The following HECA variants were observed in gnomAD, a reference collection of about 807,000 sequenced individuals.
HECA encodes headcase protein homolog.
A neutral mutation model predicts 37.6 loss-of-function variants in HECA; 13 were observed. The ratio of observed to expected loss-of-function variants is 0.35; its 90% confidence interval spans 0.23 to 0.55. The LOEUF (loss-of-function observed/expected upper bound fraction) is 0.55, where lower values mean the gene tolerates loss of function less well. Among genes scored for constraint, HECA ranks in the 20% least tolerant of loss-of-function variants. The pLI, the probability that HECA is intolerant of heterozygous loss-of-function variation, is 0.90. For synonymous variants in HECA, 307 were observed against 291.5 expected (o/e 1.05, Z -0.54); for missense variants, 527 against 701.9 (o/e 0.75, Z 2.82).
Position 139,180,499 on chromosome 6 carries a change from T to C in HECA, c.*3394T>C, listed in dbSNP as rs1268018783. ...GAGAAAGTGTTCTTGTTTAGTGTTT[T>C]ATTTCCTATAATAGGATGCTGCCTA... On this transcript the variant is annotated 3_prime_UTR_variant, in exon 4 of 4. Transcript: ENST00000367658. 1 of 152,666 alleles carries C rather than the reference T, an allele frequency of 6.6e-6. No individual in the cohort carries two copies. Among genetic ancestry groups the C allele is most frequent in the East Asian group, 1.9e-4 (1 of 5,200 alleles). 9.5% of individuals were successfully genotyped at this position (152,666 alleles called of 1,614,324 possible). A position where few individuals can be genotyped will look rare whatever the true frequency, so the allele number is the denominator to read the frequency against.
At chr6:139,151,614 T>C (rs2114448492) in intron 1 of HECA, among the ~76,000 whole-genome samples, 1 of 152,342 alleles carries the variant, frequency 6.6e-6, no homozygotes, top group Non-Finnish European at 1.5e-5. Context: ...TTCTTGTCAT[T>C]ATTTTTAAGG....
chr6:139,161,871 C>T (rs1264418736), intron 1 of HECA, among the ~76,000 whole-genome samples: 1 of 152,180 alleles, frequency 6.6e-6, no homozygotes, highest in East Asian at 1.9e-4. Context: ...GACCAATTAA[C>T]ATTTTAAAGG....
chr6:139,153,100 ACATGACC>A (rs1053927163), intron 1 of HECA: 1 of 152,224 alleles, frequency 6.6e-6, no homozygotes, highest in Non-Finnish European at 1.5e-5. Context: ...AGCTCCTTGA[ACATGACC>A]CAAGAACTTG....
intron 2 of HECA, among the ~76,000 whole-genome samples, chr6:139,167,598 A>G (rs1774909819): frequency 1.3e-5 from 2 of 152,138 alleles, no homozygotes; most frequent in Non-Finnish European, 2.9e-5. Flanking sequence ...CATAATGGGG[A>G]AGGAAATTAG....
rs1775112372 is a variant in HECA, at chr6:139,179,998, T to G, written c.*2893T>G. ...AGTGAGAGGACAATTTCTGATTGAT[T>G]GTTTTCTCTTCAGGCCATCTCACCT... On this transcript the variant is annotated 3_prime_UTR_variant, in exon 4 of 4. Coordinates refer to ENST00000367658, the MANE Select transcript of HECA (RefSeq NM_016217.3). 1 of 152,338 alleles carries G rather than the reference T, an allele frequency of 6.6e-6. No individual in the cohort carries two copies. The highest frequency in any genetic ancestry group is 2.1e-4 in the South Asian group (1 of 4,832). 9.4% of individuals were successfully genotyped at this position (152,338 alleles called of 1,614,324 possible).
chr6:139,144,818 G>T (rs1369619194), intron 1 of HECA, among the ~76,000 whole-genome samples: 1 of 152,182 alleles, frequency 6.6e-6, no homozygotes, highest in Non-Finnish European at 1.5e-5. Flanking sequence ...CTGCTTTTCT[G>T]CCCAGGATGA....
chr6:139,136,083 A>G (rs1380896442), intron 1 of HECA, among the ~76,000 whole-genome samples: 1 of 151,906 alleles, frequency 6.6e-6, no homozygotes, highest in Non-Finnish European at 1.5e-5. Context: ...CTCCAAGGCC[A>G]CCCGTAACCC....
At chr6:139,161,032 TGTGTGTGTGTG>T (rs902761512) in intron 1 of HECA, among the ~76,000 whole-genome samples, 1 of 151,838 alleles carries the variant, frequency 6.6e-6, no homozygotes, top group African/African-American at 2.4e-5. Flanking sequence ...GTTTGGACAA[TGTGTGTGTGTG>T]GTGTGTGTGT....
At chr6:139,166,001 G>A (rs1374449316) in intron 1 of HECA, 2 of 314,458 alleles carry the variant, frequency 6.4e-6, no homozygotes, top group African/African-American at 2.1e-5. Context: ...ATCGGTATGA[G>A]ACCGTCTATG....
chr6:139,152,801 A>C (rs997207144), intron 1 of HECA, among the ~76,000 whole-genome samples: 1 of 152,286 alleles, frequency 6.6e-6, no homozygotes, highest in African/African-American at 2.4e-5. Flanking sequence ...AAACCTTTTG[A>C]GTTTTCATTT....
Position 139,176,872 on chromosome 6 carries a change from G to T in HECA, c.1468-69G>T, listed in dbSNP as rs1030409385. 566 of 795,166 alleles carry T rather than the reference G, an allele frequency of 7.1e-4. 3 individuals are homozygous for T. Among genetic ancestry groups the T allele is most frequent in the Admixed American group, 6.8e-4 (36 of 53,004 alleles). 49.3% of individuals were successfully genotyped at this position (795,166 alleles called of 1,614,324 possible). On this transcript the variant is annotated intron_variant, in intron 3 of 3. Coordinates refer to ENST00000367658, the MANE Select transcript of HECA (RefSeq NM_016217.3). The surrounding 1 kb of genome is among the most constrained non-coding windows in gnomAD (Gnocchi z 4.5). ...CCTTGATCAGTTTCCCAGCATTTTG[G>T]TTTGGATGACTTTGACAAGTGTTGG...
In HECA at chr6:139,176,853, T is replaced by TGG. The variant is rs1214212969; in HGVS notation, c.1468-88_1468-87insGG. On this transcript the variant is annotated intron_variant, in intron 3 of 3. Transcript: ENST00000367658. The surrounding 1 kb of genome is among the most constrained non-coding windows in gnomAD (Gnocchi z 4.5). ...AAGGGATGCTTTGCAAAGCCCTTGATCAGTTTCCCAGCATTTTGGTTTGGA... is the reference window on the plus strand; with the variant it reads ...AAGGGATGCTTTGCAAAGCCCTTGATGGCAGTTTCCCAGCATTTTGGTTTGGA... The TGG allele has an allele frequency of 2.8e-5, 21 of 755,208 alleles. No homozygotes were observed. In the Admixed American group the frequency reaches 4.3e-4, roughly 16 times the overall value. The allele number at this position is 755,208 out of a possible 1,614,324, so 46.8% of individuals were successfully genotyped here.
intron 2 of HECA, among the ~76,000 whole-genome samples, chr6:139,168,836 C>T (rs572806409): frequency 2.7e-4 from 41 of 152,322 alleles, no homozygotes; most frequent in African/African-American, 9.9e-4. Flanking sequence ...TGCTATTTAG[C>T]TGGCTGTAGT....
Position 139,135,665 on chromosome 6 carries a change from A to G in HECA, c.269A>G (p.Asn90Ser), listed in dbSNP as rs1774424819. ...GCTGCGGCCGCGGGCGATGCCAAAA[A>G]CGGTAAGACGGGGCTGGCGGGGCGA... ...AGAAAAGDAKNEAPCATPLIC... is the reference protein window; with the variant it reads ...AGAAAAGDAKSEAPCATPLIC... Residue 90 changes from asparagine (N) to serine (S), a missense_variant and splice_region_variant, in exon 1 of 4, where the codon AAC becomes AGC. Around this residue, in one of 4 missense-constraint regions of HECA, gnomAD observed 172 missense variants for 197.6 expected, o/e 0.87. Coordinates refer to ENST00000367658, the MANE Select transcript of HECA (RefSeq NM_016217.3). The G allele has an allele frequency of 4.1e-6, 4 of 980,250 alleles. No individual in the cohort carries two copies. Among genetic ancestry groups the G allele is most frequent in the African/African-American group, 3.5e-5 (2 of 56,400 alleles). The allele number at this position is 980,250 out of a possible 1,614,324, so 60.7% of individuals were successfully genotyped here. A position where few individuals can be genotyped will look rare whatever the true frequency, so the allele number is the denominator to read the frequency against.
At chr6:139,158,963 C>T (rs528672374) in intron 1 of HECA, among the ~76,000 whole-genome samples, 1 of 152,148 alleles carries the variant, frequency 6.6e-6, no homozygotes, top group African/African-American at 2.4e-5. Context: ...ATCTCAGCTA[C>T]TTAGGAAGCT....
chr6:139,152,455 G>A (rs956400427), intron 1 of HECA, among the ~76,000 whole-genome samples: 1 of 105,858 alleles, frequency 9.4e-6, no homozygotes, highest in Admixed American at 9.0e-5. Context: ...TAGCTTCCAT[G>A]TTTATTTTGA....
At chr6:139,141,901 T>C (rs1267742946) in intron 1 of HECA, among the ~76,000 whole-genome samples, 4 of 145,306 alleles carry the variant, frequency 2.8e-5, no homozygotes, top group African/African-American at 7.7e-5. Context: ...TACAGGCACA[T>C]GCCACCATGC....
At chr6:139,168,447 T>C (rs1202945517) in intron 2 of HECA, among the ~76,000 whole-genome samples, 1 of 151,730 alleles carries the variant, frequency 6.6e-6, no homozygotes, top group Non-Finnish European at 1.5e-5. Flanking sequence ...TTTTTTAACT[T>C]TGGCTAGTTC....
intron 1 of HECA, among the ~76,000 whole-genome samples, chr6:139,147,039 A>G (rs1472017155): frequency 6.6e-6 from 1 of 152,178 alleles, no homozygotes; most frequent in Non-Finnish European, 1.5e-5. Context: ...TTGAGTGTTT[A>G]GTAGGAGTCA....
Sources: gnomAD v4.1 joint callset for allele counts (sites outside exome capture counted in the v4.1 genomes callset) on GRCh38, gnomAD v4.1.1 for gene constraint, gnomAD v4.1.1 regional missense constraint, Gnocchi (gnomAD v3.1) non-coding constraint, MANE v1.5 for transcripts, NCBI Gene and HGNC (gene_info 2026-07-23, HGNC 2026-07-21) for gene names.